RNF213: variants seen among roughly 807,000 people sequenced by gnomAD.
RNF213 encodes the protein E3 ubiquitin-protein ligase RNF213.
Under a neutral mutation model 514.4 loss-of-function variants are expected in RNF213, and 341 were observed. That is an observed-to-expected ratio of 0.66 (90% CI 0.61 to 0.73). RNF213 has a LOEUF of 0.73. Ranked by LOEUF, RNF213 falls within the 30% of genes least tolerant of loss-of-function variation. RNF213 has a pLI of 0.00. For synonymous variants in RNF213, 2,655 were observed against 2,658.2 expected (o/e 1.00, Z 0.04); for missense variants, 5,767 against 6,615.6 (o/e 0.87, Z 4.45).
intron 51 of RNF213, 77 bp from the exon 52 acceptor site, chr17:80,376,224 T>A (rs2079751699): frequency 6.6e-7 from 1 of 1,507,186 alleles, no homozygotes. Context: ...GATGTGTATT[T>A]GGTGTCAGTG....
At position 80,339,238 on chromosome 17, in the gene RNF213, T is replaced by C; in HGVS notation, c.4871T>C (p.Ile1624Thr). The part of the protein sequence containing the change: ...CSVQRLSQAF[I>T]DLHSAGNMLF... ...GTGCAGAGGCTCAGCCAGGCCTTCA[T>C]CGACCTGCACTCTGCTGGGAATATG... The change falls in exon 26 of 68, where the codon ATC (isoleucine) becomes ACC (threonine). Residue 1624 changes from isoleucine (I) to threonine (T), a missense_variant. Around this residue, in one of 13 missense-constraint regions of RNF213, gnomAD observed 1,377 missense variants for 1,635.2 expected, o/e 0.84. Coordinates refer to ENST00000582970, the MANE Select transcript of RNF213 (RefSeq NM_001256071.3). 1 of 1,505,500 alleles carries C rather than the reference T, an allele frequency of 6.6e-7. No homozygotes were observed. Among genetic ancestry groups the C allele is most frequent in the Non-Finnish European group, 8.9e-7 (1 of 1,128,658 alleles). The allele number at this position is 1,505,500 out of a possible 1,614,324, so 93.3% of individuals were successfully genotyped here. A position where few individuals can be genotyped will look rare whatever the true frequency, so the allele number is the denominator to read the frequency against.
chr17:80,313,817 G>C, intron 15 of RNF213, among the ~76,000 whole-genome samples: 1 of 59,724 alleles, frequency 1.7e-5, no homozygotes, highest in Non-Finnish European at 3.8e-5. Flanking sequence ...TAATGGAGGT[G>C]ATGGTGGTGG....
chr17:80,353,047 G>C lies in RNF213; in HGVS notation c.10411G>C (p.Asp3471His). The change falls in exon 33 of 68, where the codon GAC becomes CAC. Residue 3471 changes from aspartate (D) to histidine (H), a missense_variant. This residue lies in a region of RNF213 where 919 missense variants were observed against 1,121.0 expected (regional missense o/e 0.82). Transcript: ENST00000582970. This position sits in a 1 kb window ranked among gnomAD's most constrained non-coding sequence, Gnocchi z 5.0. ...VTISQLFAPG[D>H]LPELGLEHRA... Reference sequence around the variant, plus strand: ...CATCAGCCAGCTGTTCGCGCCCGGAGACTTGCCTGAGCGTGAGTCACGAGG... The same window carrying C: ...CATCAGCCAGCTGTTCGCGCCCGGACACTTGCCTGAGCGTGAGTCACGAGG... 1 of 1,612,778 alleles carries C rather than the reference G, an allele frequency of 6.2e-7. No homozygotes were observed. Among genetic ancestry groups the C allele is most frequent in the Non-Finnish European group, 8.5e-7 (1 of 1,180,042 alleles).
At position 80,380,975 on chromosome 17, in the gene RNF213, C is replaced by A; in HGVS notation, c.13785C>A (p.Ser4595=). ...LTHLALLLGA[S]QSSQALINII... ...ACTTGGCTCTGCTTCTGGGAGCGTC[C>A]CAGAGTTCCCAGGTATAACCCAGTG... Residue 4595 remains serine (S), a synonymous_variant, in exon 56 of 68, where the codon TCC becomes TCA. Transcript: ENST00000582970. 1 of 1,614,120 alleles carries A rather than the reference C, an allele frequency of 6.2e-7. No individual in the cohort carries two copies. Among genetic ancestry groups the A allele is most frequent in the African/African-American group, 1.3e-5 (1 of 75,024 alleles).
Position 80,313,086 on chromosome 17 carries a change from G to A in RNF213, c.2730G>A (p.Thr910=), listed in dbSNP as rs577169974. ...QTVFQGTLAA[T]KRWLREVFTK... The stretch of plus-strand genomic sequence containing the variant: ...TCTTCCAAGGGACCCTTGCTGCTAC[G>A]AAAAGGTGGCTCCGAGAAGTTTTTA... The change falls in exon 15 of 68, where the codon ACG becomes ACA. Residue 910 remains threonine (T), a synonymous_variant. Transcript: ENST00000582970. 18 of 1,613,994 alleles carry A rather than the reference G, an allele frequency of 1.1e-5. No individual in the cohort carries two copies. The highest frequency in any genetic ancestry group is 5.5e-5 in the South Asian group (5 of 91,090).
intron 2 of RNF213, among the ~76,000 whole-genome samples, chr17:80,271,296 T>G (rs1214018804): frequency 6.6e-6 from 1 of 152,210 alleles, no homozygotes; most frequent in Non-Finnish European, 1.5e-5. Context: ...TGTTATCAAT[T>G]TTGAGTCCTG....
chr17:80,287,671 G>A, intron 3 of RNF213, 144 bp from the exon 4 acceptor site: 2 of 806,104 alleles, frequency 2.5e-6, no homozygotes, highest in Non-Finnish European at 4.2e-6. Context: ...TTCTTTCCAG[G>A]AAATTGCAGA....
Position 80,343,756 on chromosome 17 carries a change from A to G in RNF213, c.6184-101A>G, listed in dbSNP as rs2078228951. The G allele has an allele frequency of 2.5e-6, 3 of 1,210,648 alleles. No homozygotes were observed. In the East Asian group the frequency reaches 7.0e-5, roughly 28 times the overall value. 75.0% of individuals were successfully genotyped at this position (1,210,648 alleles called of 1,614,324 possible). A position where few individuals can be genotyped will look rare whatever the true frequency, so the allele number is the denominator to read the frequency against. ...GGCTGAAATGTTGATGTTGATCATC[A>G]GGATCATCGTGACAAAGAGCAAAAT... On this transcript the variant is annotated intron_variant, in intron 27 of 67. Coordinates refer to ENST00000582970, the MANE Select transcript of RNF213 (RefSeq NM_001256071.3). This position sits in a 1 kb window ranked among gnomAD's most constrained non-coding sequence, Gnocchi z 4.3.
In RNF213 at chr17:80,343,269, C is replaced by T. The variant is rs1173242611; in HGVS notation, c.6127C>T (p.Leu2043=). 1 of 1,613,802 alleles carries T rather than the reference C, an allele frequency of 6.2e-7. No individual in the cohort carries two copies. The highest frequency in any genetic ancestry group is 1.7e-5 in the Admixed American group (1 of 60,002). The change falls in exon 27 of 68, where the codon CTG becomes TTG. Residue 2043 remains leucine, a synonymous_variant. Coordinates refer to ENST00000582970, the MANE Select transcript of RNF213 (RefSeq NM_001256071.3). The surrounding 1 kb of genome is among the most constrained non-coding windows in gnomAD (Gnocchi z 4.3). ...SRVLGALLPF[L]DAQYQKVPVL... ...AGTCCTGGGCGCCCTGCTGCCCTTC[C>T]TGGATGCGCAGTATCAGAAGGTCCC...
intron 3 of RNF213, among the ~76,000 whole-genome samples, chr17:80,279,367 G>A (rs995445286): frequency 1.2e-4 from 19 of 152,298 alleles, no homozygotes; most frequent in African/African-American, 4.6e-4. Context: ...GGTCTTGGAT[G>A]GCGCTCGCCA....
At chr17:80,362,985 C>T (rs966946127) in intron 39 of RNF213, 117 bp from the exon 40 acceptor site, 136 of 983,034 alleles carry the variant, frequency 1.4e-4, no homozygotes, top group Middle Eastern at 6.1e-4. Flanking sequence ...GACAGAATAG[C>T]ACACATGGTT....
At chr17:80,286,399 A>G (rs546271475) in intron 3 of RNF213, among the ~76,000 whole-genome samples, 1 of 152,274 alleles carries the variant, frequency 6.6e-6, no homozygotes, top group South Asian at 2.1e-4. Context: ...AAGTGTGGCC[A>G]TGTGTGATAG....
At chr17:80,298,580 C>T (rs1005833306) in intron 11 of RNF213, 62 bp downstream of exon 11, 10 of 1,570,820 alleles carry the variant, frequency 6.4e-6, no homozygotes, top group Admixed American at 3.4e-5. Flanking sequence ...ACATTGTGCA[C>T]CCGGAGTCCC....
chr17:80,325,255 T>A, intron 18 of RNF213, 57 bp downstream of exon 18: 1 of 1,449,702 alleles, frequency 6.9e-7, no homozygotes, highest in Non-Finnish European at 9.2e-7. Context: ...TCTTCCTGAT[T>A]GGGAAAGGTG....
At chr17:80,313,831 A>T (rs111171107) in intron 15 of RNF213, among the ~76,000 whole-genome samples, 62 of 46,990 alleles carry the variant, frequency 1.3e-3, no homozygotes, top group African/African-American at 3.9e-3. Context: ...GTGGTGGTGG[A>T]GGTGATGGTG....
intron 3 of RNF213, among the ~76,000 whole-genome samples, chr17:80,278,234 G>A (rs899440140): frequency 3.3e-5 from 5 of 150,248 alleles, no homozygotes; most frequent in Admixed American, 6.6e-5. Context: ...GAGGTCTCCC[G>A]GCGATGCCCG....
At position 80,356,414 on chromosome 17, in the gene RNF213, C is replaced by T. The variant is rs1027726951; in HGVS notation, c.10862+1838C>T. Among the ~76,000 whole-genome samples the T allele has an allele frequency of 2.5e-4, 38 of 152,234 alleles. 1 individual carries two copies. Among genetic ancestry groups the T allele is most frequent in the South Asian group, 2.1e-4 (1 of 4,832 alleles). ...GTTCACGCAGCACTAGGCCTGGCTC[C>T]GTCGTGTTCTGTGGTCACCGTGAGG... is the stretch of plus-strand genomic sequence containing the variant. On this transcript the variant is annotated intron_variant, in intron 36 of 67. Transcript: ENST00000582970.
chr17:80,275,269 C>A (rs1267428101), intron 3 of RNF213, among the ~76,000 whole-genome samples: 2 of 151,710 alleles, frequency 1.3e-5, no homozygotes, highest in Non-Finnish European at 2.9e-5. Flanking sequence ...AGGCCACCCC[C>A]AAGCCTGGAG....
chr17:80,319,080 G>A (rs371223052), intron 16 of RNF213, 110 bp from the exon 17 acceptor site: 24 of 1,604,966 alleles, frequency 1.5e-5, no homozygotes, highest in Admixed American at 5.0e-5. Flanking sequence ...AAAATTGGGG[G>A]AAACAGTAAA....
Sources: allele counts gnomAD v4.1 joint callset (sites outside exome capture counted in the v4.1 genomes callset), GRCh38; gene constraint gnomAD v4.1.1; regional missense constraint gnomAD v4.1.1; non-coding constraint Gnocchi (gnomAD v3.1); transcripts MANE v1.5; gene names NCBI Gene and HGNC (gene_info 2026-07-23, HGNC 2026-07-21).